TESC: variants seen among roughly 807,000 people sequenced by gnomAD.
TESC encodes calcineurin B homologous protein 3.
TESC carries 19 observed loss-of-function variants against 31.0 expected under a neutral mutation model. The observed-to-expected ratio is 0.61, with a 90% CI of 0.43 to 0.90. The LOEUF (loss-of-function observed/expected upper bound fraction) is 0.90, where lower values mean the gene tolerates loss of function less well. Among genes scored for constraint, TESC ranks in the 40% least tolerant of loss-of-function variants. TESC has a pLI of 0.00. For synonymous variants in TESC, 109 were observed against 114.8 expected (o/e 0.95, Z 0.32); for missense variants, 248 against 303.8 (o/e 0.82, Z 1.36).
At chr12:117,049,281 G>A (rs745836237) in intron 3 of TESC, 123 bp from the exon 4 acceptor site, 9 of 1,384,816 alleles carry the variant, frequency 6.5e-6, no homozygotes, top group Admixed American at 2.0e-5. Flanking sequence ...GGCTGCTCTC[G>A]CCTTGCGTCT....
At chr12:117,054,195 C>G (rs1954688932) in intron 3 of TESC, among the ~76,000 whole-genome samples, 2 of 152,086 alleles carry the variant, frequency 1.3e-5, no homozygotes, top group South Asian at 4.1e-4. Flanking sequence ...TCGGGGCACC[C>G]CTGACCCAAG....
In TESC at chr12:117,041,023, G is replaced by A. The variant is rs1954475887; in HGVS notation, c.567+924C>T. 2.0e-5 allele frequency among the ~76,000 whole-genome samples: 3 copies of A among 152,094 alleles called. No individual in the cohort carries two copies. The South Asian group carries it at 6.2e-4, about 32-fold the overall frequency. On this transcript the variant is annotated intron_variant, in intron 7 of 7. Transcript: ENST00000335209. ...TGTGATGCCCAGGGCCGAACTGCGG[G>A]GAGGGGGATGGGGGGAGGGGGATGG...
chr12:117,080,971 G>A (rs536913236), intron 1 of TESC, among the ~76,000 whole-genome samples: 12 of 152,204 alleles, frequency 7.9e-5, no homozygotes, highest in Non-Finnish European at 1.5e-4. Flanking sequence ...GTTGCCATGC[G>A]GATGATGGGC....
chr12:117,076,971 G>A (rs1484804165), intron 1 of TESC, among the ~76,000 whole-genome samples: 3 of 152,042 alleles, frequency 2.0e-5, no homozygotes, highest in South Asian at 2.1e-4. Flanking sequence ...TCCAAAACAC[G>A]GGCTGGACTG....
At chr12:117,049,419 A>T (rs1954615421) in intron 3 of TESC, among the ~76,000 whole-genome samples, 1 of 152,210 alleles carries the variant, frequency 6.6e-6, no homozygotes, top group Non-Finnish European at 1.5e-5. Flanking sequence ...GTGACCGTTG[A>T]TTCAGGCGGT....
intron 2 of TESC, among the ~76,000 whole-genome samples, chr12:117,068,162 C>T (rs954207445): frequency 6.6e-6 from 1 of 152,046 alleles, no homozygotes; most frequent in Non-Finnish European, 1.5e-5. Context: ...CCAAAGTGCT[C>T]AGATTACACG....
At chr12:117,092,836 GA>G (rs1206752371) in intron 1 of TESC, among the ~76,000 whole-genome samples, 1 of 152,172 alleles carries the variant, frequency 6.6e-6, no homozygotes, top group Non-Finnish European at 1.5e-5. Context: ...GTAATTGTTT[GA>G]ATCATTTTCT....
At chr12:117,063,573 C>T (rs538292849) in intron 2 of TESC, among the ~76,000 whole-genome samples, 1 of 152,324 alleles carries the variant, frequency 6.6e-6, no homozygotes, top group African/African-American at 2.4e-5. Context: ...CCACCAACCA[C>T]CACAAGGCTA....
intron 1 of TESC, among the ~76,000 whole-genome samples, chr12:117,080,628 A>T (rs1049873110): frequency 2.0e-5 from 3 of 152,196 alleles, no homozygotes; most frequent in African/African-American, 7.2e-5. Flanking sequence ...CCTCTGGCAC[A>T]GTAACTGAGA....
At chr12:117,060,031 G>A (rs1381435941) in intron 2 of TESC, among the ~76,000 whole-genome samples, 2 of 152,180 alleles carry the variant, frequency 1.3e-5, no homozygotes, top group Non-Finnish European at 2.9e-5. Flanking sequence ...AGACAAAGTG[G>A]AGAGATGTGG....
In TESC at chr12:117,056,708, G is replaced by C. The variant is rs1007992484; in HGVS notation, c.209+98C>G. The C allele has an allele frequency of 1.2e-5, 16 of 1,341,150 alleles. No individual in the cohort carries two copies. In the African/African-American group the frequency reaches 2.3e-4, roughly 19 times the overall value. The allele number at this position is 1,341,150 out of a possible 1,614,324, so 83.1% of individuals were successfully genotyped here. A position where few individuals can be genotyped will look rare whatever the true frequency, so the allele number is the denominator to read the frequency against. On this transcript the variant is annotated intron_variant, in intron 3 of 7. Transcript: ENST00000335209. ...TACCCAGCTTGGCCCCCTCTTCTGGGCATCAGCTCAAAGGGTCATTCTAGG... is the reference window on the plus strand; with the variant it reads ...TACCCAGCTTGGCCCCCTCTTCTGGCCATCAGCTCAAAGGGTCATTCTAGG...
intron 1 of TESC, among the ~76,000 whole-genome samples, chr12:117,075,871 GTGTGTATATATATATATATATA>G (rs1955050557): frequency 6.7e-5 from 3 of 45,106 alleles, no homozygotes; most frequent in African/African-American, 3.2e-4. Flanking sequence ...ATATATATAT[GTGTGTATATATATATATATATA>G]TATATATATA....
At chr12:117,044,916 GA>G (rs1954535431) in intron 6 of TESC, among the ~76,000 whole-genome samples, 2 of 61,344 alleles carry the variant, frequency 3.3e-5, no homozygotes, top group East Asian at 5.5e-4. Context: ...AGAAAAAAAA[GA>G]GAGAGAGACA....
At chr12:117,045,888 T>G (rs1200820300) in intron 6 of TESC, among the ~76,000 whole-genome samples, 1 of 152,210 alleles carries the variant, frequency 6.6e-6, no homozygotes, top group Admixed American at 6.5e-5. Context: ...GCCTTAGGGC[T>G]GGGGGCTGGT....
chr12:117,091,014 G>A (rs529794295), intron 1 of TESC, among the ~76,000 whole-genome samples: 136 of 152,240 alleles, frequency 8.9e-4, no homozygotes, highest in Non-Finnish European at 1.5e-3. Flanking sequence ...CTGCCAGGGA[G>A]CAGTGCCAAG....
intron 2 of TESC, among the ~76,000 whole-genome samples, chr12:117,063,212 G>A (rs1457014448): frequency 6.6e-6 from 1 of 152,146 alleles, no homozygotes; most frequent in African/African-American, 2.4e-5. Context: ...TAGAGTTGGC[G>A]CGGGACTCCA....
chr12:117,038,998 A>G lies in TESC; in HGVS notation c.*135T>C. 1 of 861,172 alleles carries G rather than the reference A, an allele frequency of 1.2e-6. No individual in the cohort carries two copies. The highest frequency in any genetic ancestry group is 1.9e-6 in the Non-Finnish European group (1 of 538,494). The allele number at this position is 861,172 out of a possible 1,614,324, so 53.3% of individuals were successfully genotyped here. A position where few individuals can be genotyped will look rare whatever the true frequency, so the allele number is the denominator to read the frequency against. The stretch of plus-strand genomic sequence containing the variant: ...TCCCACATACCATACCCTACAAGAC[A>G]CAAGGTGCGCAGACGAGCCTTGGCT... On this transcript the variant is annotated 3_prime_UTR_variant, in exon 8 of 8. Coordinates refer to ENST00000335209, the MANE Select transcript of TESC (RefSeq NM_017899.4).
At chr12:117,048,239 A>G (rs766813556) in intron 4 of TESC, among the ~76,000 whole-genome samples, 2 of 152,246 alleles carry the variant, frequency 1.3e-5, no homozygotes, top group Non-Finnish European at 2.9e-5. Flanking sequence ...TTTGGACCTG[A>G]GTCCGTCCTG....
At chr12:117,046,877 G>T in intron 4 of TESC, 39 bp from the exon 5 acceptor site, 2 of 1,542,510 alleles carry the variant, frequency 1.3e-6, no homozygotes. Flanking sequence ...CGTCAGGCGG[G>T]GCCTGGCCCC....
Sources: gnomAD v4.1 joint callset for allele counts (sites outside exome capture counted in the v4.1 genomes callset) on GRCh38, gnomAD v4.1.1 for gene constraint, MANE v1.5 for transcripts, NCBI Gene and HGNC (gene_info 2026-07-23, HGNC 2026-07-21) for gene names.